The following AK9 variants were observed in gnomAD, a reference collection of about 807,000 sequenced individuals.
AK9 encodes the protein adenylate kinase domain containing 1.
A neutral mutation model predicts 239.6 loss-of-function variants in AK9; 191 were observed. That is an observed-to-expected ratio of 0.80 (90% confidence interval 0.71 to 0.90). AK9 has a LOEUF of 0.90. Ranked by LOEUF, AK9 falls within the 40% of genes least tolerant of loss-of-function variation. The pLI, the probability that AK9 is intolerant of heterozygous loss-of-function variation, is 0.00. For missense variants in AK9, 1,995 were observed against 2,214.7 expected (o/e 0.90, Z 1.99); for synonymous variants, 689 against 721.0 (o/e 0.96, Z 0.71).
rs991980568 is a variant in AK9, at chr6:109,618,447, G to A, written c.1399+645C>T. ...AAAAACAGAAAAAAAAAAACAAAAC[G>A]CTTTTTGTCTATTCTGCAATGTGAT... is the stretch of plus-strand genomic sequence containing the variant. On this transcript the variant is annotated intron_variant, in intron 13 of 40. Transcript: ENST00000424296. 1.1e-4 allele frequency among the ~76,000 whole-genome samples: 16 copies of A among 142,380 alleles called. 1 individual carries two copies. Among genetic ancestry groups the A allele is most frequent in the African/African-American group, 3.7e-4 (15 of 40,116 alleles). 93.4% of individuals were successfully genotyped at this position (142,380 alleles called of 152,430 possible).
At chr6:109,653,682 T>C (rs149370606) in intron 8 of AK9, among the ~76,000 whole-genome samples, 33 of 147,648 alleles carry the variant, frequency 2.2e-4, no homozygotes, top group South Asian at 1.7e-3. Context: ...ATTTTTTTTT[T>C]TTTCTCTCTC....
intron 29 of AK9, among the ~76,000 whole-genome samples, chr6:109,520,949 T>A (rs1046987871): frequency 7.2e-5 from 11 of 152,126 alleles, no homozygotes; most frequent in African/African-American, 2.7e-4. Context: ...GTGCATTGAT[T>A]TTTGTATCCT....
At chr6:109,658,271 G>C (rs559926562) in intron 7 of AK9, among the ~76,000 whole-genome samples, 100 of 152,276 alleles carry the variant, frequency 6.6e-4, no homozygotes, top group Non-Finnish European at 1.1e-3. Flanking sequence ...CTCCCTAGTA[G>C]AGGGCTTTGC....
Position 109,644,602 on chromosome 6 carries a change from C to T in AK9, c.834+12G>A, listed in dbSNP as rs779482292. The T allele has an allele frequency of 6.2e-7, 1 of 1,604,032 alleles. No homozygotes were observed. The highest frequency in any genetic ancestry group is 8.5e-7 in the Non-Finnish European group (1 of 1,174,512). The stretch of plus-strand genomic sequence containing the variant: ...CATGCTGTGAAGTATTCCTGCTTAA[C>T]ACTGCACTCACCATAAAGAGCTCCT... On this transcript the variant is annotated intron_variant, in intron 9 of 40. Transcript: ENST00000424296.
At chr6:109,559,964 C>T (rs1180502478) in intron 24 of AK9, among the ~76,000 whole-genome samples, 3 of 152,150 alleles carry the variant, frequency 2.0e-5, no homozygotes, top group Non-Finnish European at 4.4e-5. Flanking sequence ...GTCCTTTTCT[C>T]TATCTTCAAA....
intron 17 of AK9, among the ~76,000 whole-genome samples, chr6:109,598,406 T>C (rs1288275720): frequency 6.6e-6 from 1 of 152,222 alleles, no homozygotes; most frequent in African/African-American, 2.4e-5. Flanking sequence ...CACGAACTCA[T>C]CATTTTTTAT....
At chr6:109,609,893 A>AT (rs536530109) in intron 17 of AK9, among the ~76,000 whole-genome samples, 25 of 151,262 alleles carry the variant, frequency 1.7e-4, no homozygotes, top group African/African-American at 2.9e-4. Flanking sequence ...GCATTTGAGG[A>AT]TTTTTTTTTC....
At chr6:109,568,791 A>G (rs949104335) in intron 21 of AK9, among the ~76,000 whole-genome samples, 1 of 152,220 alleles carries the variant, frequency 6.6e-6, no homozygotes, top group African/African-American at 2.4e-5. Context: ...GATTCAAACA[A>G]ATGGGAGAAC....
At chr6:109,581,676 G>C (rs1399319370) in intron 19 of AK9, among the ~76,000 whole-genome samples, 1 of 152,234 alleles carries the variant, frequency 6.6e-6, no homozygotes, top group Non-Finnish European at 1.5e-5. Flanking sequence ...TCAAAATGCA[G>C]TGCAAGGTGA....
rs73523171 is a variant in AK9, at chr6:109,565,539, A to G, written c.2345-694T>C. 6.3e-3 allele frequency among the ~76,000 whole-genome samples: 954 copies of G among 152,288 alleles called. 16 individuals are homozygous for G. The highest frequency in any genetic ancestry group is 0.022 in the African/African-American group (907 of 41,564). ...GACCACAAACTGGCAGTGAGAGATG[A>G]TGATATTGCAAAGTCCCAGCTGTAG... On this transcript the variant is annotated intron_variant, in intron 21 of 40. Coordinates refer to ENST00000424296, the MANE Select transcript of AK9 (RefSeq NM_001145128.3).
chr6:109,574,178 A>G (rs925839357), intron 20 of AK9, among the ~76,000 whole-genome samples: 2 of 152,236 alleles, frequency 1.3e-5, no homozygotes, highest in Non-Finnish European at 2.9e-5. Flanking sequence ...ATAATAAATC[A>G]TGTAGTATAT....
At chr6:109,610,706 T>G (rs1793475873) in intron 16 of AK9, among the ~76,000 whole-genome samples, 193 bp from the exon 17 acceptor site, 1 of 152,006 alleles carries the variant, frequency 6.6e-6, no homozygotes. Context: ...CACCGCAAAC[T>G]CTCAGAGAAG....
intron 9 of AK9, among the ~76,000 whole-genome samples, chr6:109,642,665 G>C (rs1331521276): frequency 6.6e-6 from 1 of 152,124 alleles, no homozygotes; most frequent in Non-Finnish European, 1.5e-5. Flanking sequence ...GGAGAAGCCT[G>C]CTGTATATGC....
chr6:109,666,335 A>G (rs1432565110), intron 5 of AK9, among the ~76,000 whole-genome samples: 1 of 152,228 alleles, frequency 6.6e-6, no homozygotes, highest in African/African-American at 2.4e-5. Context: ...TACTGAGCCC[A>G]GTGTCAACCT....
intron 17 of AK9, among the ~76,000 whole-genome samples, chr6:109,608,511 T>C (rs573517240): frequency 6.6e-6 from 1 of 152,234 alleles, no homozygotes; most frequent in South Asian, 2.1e-4. Flanking sequence ...TGATTAGTGA[T>C]GTTAAGTACC....
rs1255739574 is a variant in AK9 at position 109,533,250 on chromosome 6, C to T, written c.3570+1G>A. 3.1e-6 allele frequency: 5 copies of T among 1,601,630 alleles called. No homozygotes were observed. The highest frequency in any genetic ancestry group is 4.3e-6 in the Non-Finnish European group (5 of 1,174,144). On this transcript the variant is annotated splice_donor_variant, in intron 28 of 40. Transcript: ENST00000424296. LOFTEE classifies it high-confidence loss of function. ...TCAATGCATTTTTGCTAGATACATA[C>T]CCTGATTTTTGCCTTCATGTCTTTG...
intron 20 of AK9, among the ~76,000 whole-genome samples, chr6:109,576,723 G>A (rs893324165): frequency 2.0e-5 from 3 of 151,592 alleles, no homozygotes; most frequent in African/African-American, 7.3e-5. Flanking sequence ...GTACAATGTT[G>A]AATAGCAGTG....
chr6:109,616,383 T>C (rs1051560089), intron 13 of AK9, among the ~76,000 whole-genome samples: 1 of 152,086 alleles, frequency 6.6e-6, no homozygotes, highest in Admixed American at 6.6e-5. Flanking sequence ...ATACATTTGA[T>C]AATTTTCATT....
chr6:109,586,002 G>C lies in AK9; in HGVS notation c.1913C>G (p.Pro638Arg), dbSNP rs775331239. The change falls in exon 18 of 41, where the codon CCT (proline) becomes CGT (arginine). Residue 638 changes from proline (P) to arginine (R), a missense_variant. Coordinates refer to ENST00000424296, the MANE Select transcript of AK9 (RefSeq NM_001145128.3). The stretch of plus-strand genomic sequence containing the variant: ...GGCCATCCACAATTCTTTTACAATA[G>C]GGCAGTTGTCCACAATCCAGCCTCC... ...KYGGWIVDNC[P>R]IVKELWMALI... 5 of 1,551,294 alleles carry C rather than the reference G, an allele frequency of 3.2e-6. No individual in the cohort carries two copies. Among genetic ancestry groups the C allele is most frequent in the Non-Finnish European group, 4.4e-6 (5 of 1,146,840 alleles).
Sources: allele counts gnomAD v4.1 joint callset (sites outside exome capture counted in the v4.1 genomes callset), GRCh38; gene constraint gnomAD v4.1.1; transcripts MANE v1.5; gene names NCBI Gene and HGNC (gene_info 2026-07-23, HGNC 2026-07-21).